Variants in TSNAXIP1 observed in about 807,000 individuals in gnomAD.
TSNAXIP1 encodes the protein translin associated factor X interacting protein 1.
In TSNAXIP1, 89 loss-of-function variants were observed where a neutral mutation model predicts 84.8. The observed-to-expected ratio is 1.05, with a 90% CI of 0.88 to 1.25. The LOEUF (loss-of-function observed/expected upper bound fraction) is 1.25. Among genes scored for constraint, TSNAXIP1 ranks in the 50% most tolerant of loss-of-function variants. The pLI, the probability that TSNAXIP1 is intolerant of heterozygous loss-of-function variation, is 0.00. For synonymous variants in TSNAXIP1, 347 were observed against 335.2 expected (o/e 1.04, Z -0.39); for missense variants, 874 against 887.6 (o/e 0.98, Z 0.20).
intron 1 of TSNAXIP1, 124 bp downstream of exon 1, chr16:67,807,320 C>A: frequency 6.5e-7 from 1 of 1,534,364 alleles, no homozygotes; most frequent in Non-Finnish European, 8.7e-7. Context: ...GGCTCCAGCA[C>A]CACAGAGTCA....
intron 2 of TSNAXIP1, 77 bp downstream of exon 2, chr16:67,814,478 G>C: frequency 8.3e-7 from 1 of 1,203,346 alleles, no homozygotes; most frequent in Non-Finnish European, 1.2e-6. Context: ...CAACCCAAGA[G>C]TACCACCCAC....
At chr16:67,811,436 C>CTTTCT (rs1208176390) in intron 1 of TSNAXIP1, among the ~76,000 whole-genome samples, 5 of 101,978 alleles carry the variant, frequency 4.9e-5, no homozygotes, top group African/African-American at 2.2e-4. Context: ...ATTGATTAGT[C>CTTTCT]TTTTTTTTTT....
intron 5 of TSNAXIP1, 126 bp from the exon 6 acceptor site, chr16:67,824,457 G>T: frequency 1.1e-6 from 1 of 890,558 alleles, no homozygotes. Flanking sequence ...CCATGGCTTT[G>T]AACAAGGCAT....
chr16:67,809,630 A>AT (rs1187134664), intron 1 of TSNAXIP1, among the ~76,000 whole-genome samples: 117 of 151,622 alleles, frequency 7.7e-4, no homozygotes, highest in African/African-American at 2.8e-3. Flanking sequence ...CGTCTCAAAA[A>AT]AAAATAAATA....
At chr16:67,827,652 T>C in intron 15 of TSNAXIP1, 73 bp downstream of exon 15, 3 of 1,610,864 alleles carry the variant, frequency 1.9e-6, no homozygotes, top group Non-Finnish European at 2.5e-6. Flanking sequence ...CTGTGCACCA[T>C]GCACCATCCA....
At chr16:67,819,329 T>C (rs570795163) in intron 2 of TSNAXIP1, among the ~76,000 whole-genome samples, 2 of 149,848 alleles carry the variant, frequency 1.3e-5, no homozygotes, top group East Asian at 2.0e-4. Flanking sequence ...CTGCAACCTC[T>C]GCCTCCCGAG....
rs1355379315 is a variant in TSNAXIP1 at position 67,827,985 on chromosome 16, G to A, written c.2131G>A (p.Ala711Thr). The A allele has an allele frequency of 1.9e-6, 3 of 1,612,890 alleles. No individual in the cohort carries two copies. The highest frequency in any genetic ancestry group is 3.3e-5 in the Admixed American group (2 of 60,010). The change falls in exon 16 of 16, where the codon GCA becomes ACA. Residue 711 changes from alanine (A) to threonine (T), a missense_variant. Coordinates refer to ENST00000561639, the MANE Select transcript of TSNAXIP1 (RefSeq NM_001288990.3). ...RRVGPREPEP[A>T]S The stretch of plus-strand genomic sequence containing the variant: ...TGTGGGACCTCGAGAGCCAGAGCCT[G>A]CAAGCTAGGAACTTGTGGGCAGCCT...
chr16:67,807,652 CGTTT>C (rs906382252), intron 1 of TSNAXIP1: 1 of 258,114 alleles, frequency 3.9e-6, no homozygotes, highest in African/African-American at 2.3e-5. Context: ...TTTCTTTGTT[CGTTT>C]GTTTTTTGTA....
Position 67,815,051 on chromosome 16 carries a change from C to T in TSNAXIP1, c.147+650C>T, listed in dbSNP as rs145403603. ...AAAAAAAAAGAGCCGGGCGCAGTGA[C>T]TCATGCCTATAATCCCAGTACTCTG... On this transcript the variant is annotated intron_variant, in intron 2 of 15. Coordinates refer to ENST00000561639, the MANE Select transcript of TSNAXIP1 (RefSeq NM_001288990.3). Among the ~76,000 whole-genome samples, 787 of 151,638 alleles carry T rather than the reference C, an allele frequency of 5.2e-3. 4 individuals carry two copies. Among genetic ancestry groups the T allele is most frequent in the African/African-American group, 0.019 (770 of 41,380 alleles).
intron 3 of TSNAXIP1, 23 bp from the exon 4 acceptor site, chr16:67,821,076 A>G (rs1273021788): frequency 1.2e-6 from 2 of 1,613,122 alleles, no homozygotes; most frequent in African/African-American, 1.3e-5. Flanking sequence ...TGCTGGCCAC[A>G]TATCAGCCAC....
In TSNAXIP1 at chr16:67,823,720, G is replaced by A. The variant is rs376475828; in HGVS notation, c.481+1G>A. On this transcript the variant is annotated splice_donor_variant, in intron 5 of 15. Transcript: ENST00000561639. LOFTEE classifies it high-confidence loss of function. ...AAGAATGCGTATGAGGGGATGCTGG[G>A]TAAGAATGCACCTCCTGCCAGGCGT... 1 of 1,611,798 alleles carries A rather than the reference G, an allele frequency of 6.2e-7. No individual in the cohort carries two copies. The highest frequency in any genetic ancestry group is 8.5e-7 in the Non-Finnish European group (1 of 1,178,730).
intron 1 of TSNAXIP1, among the ~76,000 whole-genome samples, chr16:67,812,092 T>A (rs887980176): frequency 2.0e-5 from 3 of 152,118 alleles, no homozygotes; most frequent in Non-Finnish European, 4.4e-5. Flanking sequence ...TCAGAGATGT[T>A]AAGCGGCATG....
At chr16:67,818,196 G>A (rs971308928) in intron 2 of TSNAXIP1, among the ~76,000 whole-genome samples, 12 of 151,236 alleles carry the variant, frequency 7.9e-5, no homozygotes, top group African/African-American at 9.7e-5. Flanking sequence ...GCGACAGAGC[G>A]AGACTCAGTC....
At position 67,826,192 on chromosome 16, in the gene TSNAXIP1, T is replaced by G; in HGVS notation, c.1185T>G (p.Ala395=). The stretch of plus-strand genomic sequence containing the variant: ...GCCCAGAGCGCTGGCAGATGCTGGC[T>G]GAGGGCAAGAACAGCGACCAGCTGG... ...AGGPERWQML[A]EGKNSDQLVD... Residue 395 remains alanine, a synonymous_variant, in exon 10 of 16, where the codon GCT becomes GCG. Coordinates refer to ENST00000561639, the MANE Select transcript of TSNAXIP1 (RefSeq NM_001288990.3). The G allele has an allele frequency of 6.2e-7, 1 of 1,612,192 alleles. No individual in the cohort carries two copies. The highest frequency in any genetic ancestry group is 8.5e-7 in the Non-Finnish European group (1 of 1,178,702).
chr16:67,825,916 G>C lies in TSNAXIP1; in HGVS notation c.985-1G>C, dbSNP rs202097306. On this transcript the variant is annotated splice_acceptor_variant, in intron 8 of 15. Transcript: ENST00000561639. LOFTEE classifies it high-confidence loss of function. ...GCCAGGGCCAATGTCCTTGCCCACA[G>C]CTGGACACCCTGAGAGCCAGCTACG... 8.5e-5 allele frequency: 137 copies of C among 1,613,956 alleles called. 1 individual carries two copies. Among genetic ancestry groups the C allele is most frequent in the Middle Eastern group, 1.6e-4 (1 of 6,082 alleles).
At position 67,825,684 on chromosome 16, in the gene TSNAXIP1, C is replaced by T. The variant is rs1295117157; in HGVS notation, c.832C>T (p.Pro278Ser). ...AQSPGIWGED[P>S]VKLTLALKMT... ...CCTGGCAGGCATCTGGGGGGAGGACCCTGTGAAGTTAACCCTGGCTCTTAA... is the reference window on the plus strand; with the variant it reads ...CCTGGCAGGCATCTGGGGGGAGGACTCTGTGAAGTTAACCCTGGCTCTTAA... The change falls in exon 8 of 16, where the codon CCT (proline) becomes TCT (serine). Residue 278 changes from proline (P) to serine (S), a missense_variant. Physicochemically the swap from Pro to Ser is moderately conservative, Grantham distance 74. Transcript: ENST00000561639. The T allele has an allele frequency of 6.2e-7, 1 of 1,613,130 alleles. No homozygotes were observed.
At chr16:67,807,560 G>A in intron 1 of TSNAXIP1, 2 of 423,696 alleles carry the variant, frequency 4.7e-6, no homozygotes, top group Non-Finnish European at 8.2e-6. Context: ...GACCTCCCGG[G>A]CTCAAGCGAT....
intron 2 of TSNAXIP1, among the ~76,000 whole-genome samples, chr16:67,819,170 C>T (rs1193768026): frequency 1.3e-5 from 2 of 151,898 alleles, no homozygotes; most frequent in Non-Finnish European, 2.9e-5. Flanking sequence ...AGCTTGGCAA[C>T]TCCATCTCAA....
rs923548240 is a variant in TSNAXIP1, at chr16:67,814,295, T to C, written c.48-7T>C. 2 of 1,534,712 alleles carry C rather than the reference T, an allele frequency of 1.3e-6. No individual in the cohort carries two copies. Among genetic ancestry groups the C allele is most frequent in the Non-Finnish European group, 1.7e-6 (2 of 1,145,684 alleles). On this transcript the variant is annotated splice_region_variant and splice_polypyrimidine_tract_variant and intron_variant, in intron 1 of 15. Transcript: ENST00000561639. ...CACCCACCATCAGCTTTCCCTTCTC[T>C]GTGCAGATTACAGCCACGGCCTTCA...
Sources: allele counts gnomAD v4.1 joint callset (sites outside exome capture counted in the v4.1 genomes callset), GRCh38; gene constraint gnomAD v4.1.1; transcripts MANE v1.5; gene names NCBI Gene and HGNC (gene_info 2026-07-23, HGNC 2026-07-21).